The following GAREM1 variants were observed in gnomAD, a reference collection of about 807,000 sequenced individuals.
GAREM1 encodes GRB2 associated regulator of MAPK1 subtype 1, also known as GRB2-associated and regulator of MAPK protein 1.
A neutral mutation model predicts 71.3 loss-of-function variants in GAREM1; 26 were observed. That is an observed-to-expected ratio of 0.36 (90% CI 0.27 to 0.51). The LOEUF is 0.51. GAREM1 is among the 20% of genes least tolerant of loss of function. The probability of loss-of-function intolerance (pLI) is 0.95; values close to 1 mark genes in which losing one functional copy is unlikely to be tolerated. For synonymous variants in GAREM1, 440 were observed against 433.2 expected (o/e 1.02, Z -0.20); for missense variants, 1,026 against 1,103.1 (o/e 0.93, Z 0.99).
At chr18:32,320,602 A>C (rs1031523988) in intron 2 of GAREM1, among the ~76,000 whole-genome samples, 1 of 152,198 alleles carries the variant, frequency 6.6e-6, no homozygotes, top group Admixed American at 6.5e-5. Flanking sequence ...TGCACCATAG[A>C]TAATCTGTGG....
chr18:32,456,165 G>A (rs2048886294), intron 1 of GAREM1, among the ~76,000 whole-genome samples: 1 of 152,090 alleles, frequency 6.6e-6, no homozygotes, highest in Non-Finnish European at 1.5e-5. Context: ...ATGGAAAAAT[G>A]TAGATTAGGT....
chr18:32,411,583 T>C (rs574034916), intron 1 of GAREM1, among the ~76,000 whole-genome samples: 1 of 152,306 alleles, frequency 6.6e-6, no homozygotes, highest in Non-Finnish European at 1.5e-5. Context: ...TATAATTTTA[T>C]CTGGTACCAT....
At chr18:32,437,515 T>A (rs576158036) in intron 1 of GAREM1, among the ~76,000 whole-genome samples, 22 of 152,246 alleles carry the variant, frequency 1.4e-4, no homozygotes, top group African/African-American at 5.1e-4. Flanking sequence ...TGTCTAGAAT[T>A]CCATGACCAG....
intron 1 of GAREM1, among the ~76,000 whole-genome samples, chr18:32,417,492 G>A (rs1448592202): frequency 6.6e-6 from 1 of 152,156 alleles, no homozygotes; most frequent in Non-Finnish European, 1.5e-5. Context: ...CAGATGAATG[G>A]ATAAAGAAAA....
At chr18:32,381,142 T>C (rs943722309) in intron 2 of GAREM1, among the ~76,000 whole-genome samples, 1 of 152,098 alleles carries the variant, frequency 6.6e-6, no homozygotes, top group Non-Finnish European at 1.5e-5. Context: ...ACATAATCTT[T>C]TACTCCAAAT....
At chr18:32,463,282 AC>A (rs1286144176) in intron 1 of GAREM1, among the ~76,000 whole-genome samples, 1 of 152,034 alleles carries the variant, frequency 6.6e-6, no homozygotes, top group Non-Finnish European at 1.5e-5. Flanking sequence ...CATTCAAGAT[AC>A]TTGTTTTCCT....
At chr18:32,280,381 G>A (rs184101897) in intron 4 of GAREM1, among the ~76,000 whole-genome samples, 3 of 152,184 alleles carry the variant, frequency 2.0e-5, no homozygotes, top group African/African-American at 7.2e-5. Flanking sequence ...AGCACCAGGA[G>A]CTGGCCTGGC....
intron 4 of GAREM1, among the ~76,000 whole-genome samples, chr18:32,277,447 T>C (rs2041557618): frequency 6.6e-6 from 1 of 152,054 alleles, no homozygotes; most frequent in Non-Finnish European, 1.5e-5. Context: ...CACATAAAGC[T>C]AGAAAAATAA....
chr18:32,364,592 A>G (rs2047910783), intron 2 of GAREM1, among the ~76,000 whole-genome samples: 1 of 152,212 alleles, frequency 6.6e-6, no homozygotes, highest in African/African-American at 2.4e-5. Flanking sequence ...CAGCCTGCAC[A>G]TGTATCCCAG....
intron 1 of GAREM1, among the ~76,000 whole-genome samples, chr18:32,445,174 C>T (rs1209522977): frequency 2.0e-5 from 3 of 152,178 alleles, no homozygotes; most frequent in Admixed American, 1.3e-4. Context: ...CTCCCCAACA[C>T]AAACCTGCTC....
chr18:32,397,477 AAC>A, intron 1 of GAREM1, among the ~76,000 whole-genome samples: 1 of 152,196 alleles, frequency 6.6e-6, no homozygotes, highest in Admixed American at 6.5e-5. Context: ...GCAAATGGAA[AAC>A]AAAAAAAGGC....
intron 4 of GAREM1, among the ~76,000 whole-genome samples, chr18:32,277,406 T>C (rs188747142): frequency 2.6e-5 from 4 of 152,334 alleles, no homozygotes; most frequent in African/African-American, 9.6e-5. Context: ...ATTTTTCCAT[T>C]GCTCCCTGCC....
At chr18:32,286,392 C>T (rs2047018677) in intron 4 of GAREM1, among the ~76,000 whole-genome samples, 1 of 151,454 alleles carries the variant, frequency 6.6e-6, no homozygotes, top group Non-Finnish European at 1.5e-5. Flanking sequence ...ATGCTTTGAT[C>T]TCAGTGTAAC....
At chr18:32,439,051 G>A (rs1283900818) in intron 1 of GAREM1, among the ~76,000 whole-genome samples, 1 of 152,162 alleles carries the variant, frequency 6.6e-6, no homozygotes, top group African/African-American at 2.4e-5. Context: ...CCCTCACTCC[G>A]TTGCTCTAAT....
chr18:32,348,702 G>A (rs1319190588), intron 2 of GAREM1, among the ~76,000 whole-genome samples: 2 of 152,148 alleles, frequency 1.3e-5, no homozygotes, highest in Non-Finnish European at 2.9e-5. Flanking sequence ...CAGCCTGAGT[G>A]ACTGAGTGAA....
intron 2 of GAREM1, among the ~76,000 whole-genome samples, chr18:32,334,747 C>A (rs968983109): frequency 1.3e-5 from 2 of 152,152 alleles, no homozygotes; most frequent in African/African-American, 4.8e-5. Context: ...CTCTCTTGAG[C>A]TAAACACAGA....
intron 3 of GAREM1, among the ~76,000 whole-genome samples, chr18:32,291,122 G>A (rs916529900): frequency 4.0e-5 from 6 of 151,832 alleles, no homozygotes; most frequent in African/African-American, 9.7e-5. Context: ...AATAAACTAC[G>A]GTACACACAC....
At chr18:32,331,199 C>T (rs192154217) in intron 2 of GAREM1, among the ~76,000 whole-genome samples, 182 of 152,158 alleles carry the variant, frequency 1.2e-3, no homozygotes, top group African/African-American at 4.0e-3. Flanking sequence ...AAAAACCCGA[C>T]AAAAAATGGG....
chr18:32,360,518 G>A (rs1189685020), intron 2 of GAREM1, among the ~76,000 whole-genome samples: 1 of 152,008 alleles, frequency 6.6e-6, no homozygotes, highest in Non-Finnish European at 1.5e-5. Flanking sequence ...CTGGCCTACT[G>A]GTTTATTAGA....
Sources: gnomAD v4.1 joint callset for allele counts (sites outside exome capture counted in the v4.1 genomes callset) on GRCh38, gnomAD v4.1.1 for gene constraint, MANE v1.5 for transcripts, NCBI Gene and HGNC (gene_info 2026-07-23, HGNC 2026-07-21) for gene names.